The following ARHGAP15 variants were observed in gnomAD, a reference collection of about 807,000 sequenced individuals.
ARHGAP15 encodes rho GTPase-activating protein 15.
A neutral mutation model predicts 63.7 loss-of-function variants in ARHGAP15; 51 were observed. The ratio of observed to expected loss-of-function variants is 0.80; its 90% CI spans 0.64 to 1.01. ARHGAP15 has a LOEUF of 1.01. Ranked by LOEUF, ARHGAP15 falls within the 50% of genes least tolerant of loss-of-function variation. The pLI is 0.00. For synonymous variants in ARHGAP15, 191 were observed against 193.8 expected (o/e 0.99, Z 0.12); for missense variants, 560 against 564.6 (o/e 0.99, Z 0.08).
intron 6 of ARHGAP15, among the ~76,000 whole-genome samples, chr2:143,426,977 T>C (rs1689162346): frequency 6.6e-6 from 1 of 152,186 alleles, no homozygotes; most frequent in African/African-American, 2.4e-5. Flanking sequence ...GGCATTCAAG[T>C]TGCTGTTTTT....
At chr2:143,290,711 T>G (rs1206559264) in intron 6 of ARHGAP15, among the ~76,000 whole-genome samples, 1 of 152,098 alleles carries the variant, frequency 6.6e-6, no homozygotes, top group East Asian at 1.9e-4. Context: ...ATACACAATG[T>G]AGGAGGAGGA....
intron 9 of ARHGAP15, among the ~76,000 whole-genome samples, chr2:143,517,012 C>T (rs188238570): frequency 6.6e-6 from 1 of 152,074 alleles, no homozygotes; most frequent in Non-Finnish European, 1.5e-5. Flanking sequence ...GGCAGTGGCG[C>T]GATCTCAGCT....
intron 6 of ARHGAP15, among the ~76,000 whole-genome samples, chr2:143,396,236 CAGAA>C (rs1298402453): frequency 6.6e-6 from 1 of 151,992 alleles, no homozygotes; most frequent in East Asian, 1.9e-4. Context: ...TTGGGAGCAA[CAGAA>C]AGAAACTAAA....
chr2:143,170,640 T>C (rs993837601), intron 2 of ARHGAP15, among the ~76,000 whole-genome samples: 1 of 152,104 alleles, frequency 6.6e-6, no homozygotes, highest in Non-Finnish European at 1.5e-5. Context: ...TTCTCCGTTA[T>C]GCCTATTAAA....
chr2:143,621,368 G>T (rs1698642194), intron 11 of ARHGAP15, among the ~76,000 whole-genome samples: 1 of 143,610 alleles, frequency 7.0e-6, no homozygotes, highest in Non-Finnish European at 1.6e-5. Flanking sequence ...GTTAACACCA[G>T]GGTAGGGTTA....
Position 143,335,277 on chromosome 2 carries a change from T to C in ARHGAP15, c.474+84677T>C, listed in dbSNP as rs1684721972. Among the ~76,000 whole-genome samples the C allele has an allele frequency of 1.3e-5, 2 of 152,188 alleles. 1 individual carries two copies. Among genetic ancestry groups the C allele is most frequent in the Admixed American group, 1.3e-4 (2 of 15,282 alleles). On this transcript the variant is annotated intron_variant, in intron 6 of 13. Coordinates refer to ENST00000295095, the MANE Select transcript of ARHGAP15 (RefSeq NM_018460.4). ...GCAGTGAGAAAATCACTTTCCTCCTTCAACTTTCTAAATTAAAAATGTCCT... is the reference window on the plus strand; with the variant it reads ...GCAGTGAGAAAATCACTTTCCTCCTCCAACTTTCTAAATTAAAAATGTCCT...
At chr2:143,369,626 G>A (rs146107572) in intron 6 of ARHGAP15, among the ~76,000 whole-genome samples, 15 of 152,118 alleles carry the variant, frequency 9.9e-5, no homozygotes, top group African/African-American at 2.6e-4. Context: ...TATAATTGCA[G>A]GTTGAATTTG....
intron 13 of ARHGAP15, among the ~76,000 whole-genome samples, chr2:143,717,279 G>C (rs989164743): frequency 6.6e-6 from 1 of 152,188 alleles, no homozygotes; most frequent in South Asian, 2.1e-4. Context: ...GTTGTCTCTC[G>C]GTCTGTCACG....
intron 12 of ARHGAP15, among the ~76,000 whole-genome samples, chr2:143,664,119 G>GCACCA (rs1352592169): frequency 1.3e-5 from 2 of 151,906 alleles, no homozygotes; most frequent in South Asian, 2.1e-4. Context: ...ATTTTTTTCA[G>GCACCA]CACCACACCA....
At chr2:143,307,891 A>T (rs1448527895) in intron 6 of ARHGAP15, among the ~76,000 whole-genome samples, 3 of 152,168 alleles carry the variant, frequency 2.0e-5, no homozygotes, top group Non-Finnish European at 4.4e-5. Context: ...CACTGCATTT[A>T]TTCATGGATT....
chr2:143,230,672 C>A (rs1221953095), intron 5 of ARHGAP15, among the ~76,000 whole-genome samples: 1 of 152,144 alleles, frequency 6.6e-6, no homozygotes, highest in African/African-American at 2.4e-5. Context: ...ACTTGCTAGT[C>A]AACTTCTTGG....
chr2:143,599,827 T>C (rs1427031752), intron 11 of ARHGAP15, among the ~76,000 whole-genome samples: 1 of 152,222 alleles, frequency 6.6e-6, no homozygotes, highest in Admixed American at 6.6e-5. Flanking sequence ...TCTTATATTG[T>C]GTATCTGCCT....
At chr2:143,699,788 G>A (rs1325661708) in intron 12 of ARHGAP15, among the ~76,000 whole-genome samples, 1 of 152,194 alleles carries the variant, frequency 6.6e-6, no homozygotes, top group Non-Finnish European at 1.5e-5. Context: ...AAAGAGGTGA[G>A]AGGGGTGCAG....
At position 143,201,295 on chromosome 2, in the gene ARHGAP15, AT is replaced by A. The variant is rs1292303292; in HGVS notation, c.166-831del. Among the ~76,000 whole-genome samples, 53 of 150,398 alleles carry A rather than the reference AT, an allele frequency of 3.5e-4. No individual in the cohort carries two copies. The East Asian group carries it at 3.8e-3, about 11-fold the overall frequency. ...ACCATGCCTAGCTAATTAAAAAAAA[AT>A]TTTTTTTGTAGAGTTGGAGTCTCAC... On this transcript the variant is annotated intron_variant, in intron 2 of 13. Transcript: ENST00000295095.
intron 6 of ARHGAP15, among the ~76,000 whole-genome samples, chr2:143,390,032 G>A (rs912569359): frequency 6.7e-6 from 1 of 149,140 alleles, no homozygotes; most frequent in Non-Finnish European, 1.5e-5. Flanking sequence ...AAAGCAGTAA[G>A]GTATCCTTGG....
chr2:143,466,967 G>A (rs760778596), intron 8 of ARHGAP15, among the ~76,000 whole-genome samples: 4 of 151,904 alleles, frequency 2.6e-5, no homozygotes, highest in African/African-American at 7.3e-5. Flanking sequence ...CTAAGAATTG[G>A]GCACAGCTGC....
At chr2:143,169,810 G>C (rs1321691697) in intron 2 of ARHGAP15, among the ~76,000 whole-genome samples, 2 of 151,526 alleles carry the variant, frequency 1.3e-5, no homozygotes, top group Admixed American at 1.3e-4. Context: ...CAGTGTCGTA[G>C]AGGTAGTAAT....
intron 11 of ARHGAP15, among the ~76,000 whole-genome samples, chr2:143,570,999 C>A (rs896183159): frequency 5.3e-5 from 8 of 152,102 alleles, no homozygotes; most frequent in Non-Finnish European, 8.8e-5. Context: ...GAGAGCATTA[C>A]CCCCTGAGCT....
intron 11 of ARHGAP15, among the ~76,000 whole-genome samples, chr2:143,588,993 G>T (rs1697215898): frequency 6.6e-6 from 1 of 151,966 alleles, no homozygotes; most frequent in Non-Finnish European, 1.5e-5. Flanking sequence ...CCCTTTTGCT[G>T]ATTCCTCTTC....
Sources: gnomAD v4.1 joint callset for allele counts (sites outside exome capture counted in the v4.1 genomes callset) on GRCh38, gnomAD v4.1.1 for gene constraint, MANE v1.5 for transcripts, NCBI Gene and HGNC (gene_info 2026-07-23, HGNC 2026-07-21) for gene names.